Variants in ZNRF1 observed in about 807,000 individuals in gnomAD.
ZNRF1 encodes zinc and ring finger 1, also known as E3 ubiquitin-protein ligase ZNRF1.
In ZNRF1, 3 loss-of-function variants were observed where a neutral mutation model predicts 18.4. That is an observed-to-expected ratio of 0.16 (90% CI 0.07 to 0.42). The LOEUF (loss-of-function observed/expected upper bound fraction) is 0.42, where lower values mean the gene tolerates loss of function less well. ZNRF1 is among the 10% of genes least tolerant of loss of function. The pLI is 0.99. For missense variants in ZNRF1, 310 were observed against 329.8 expected, an observed-to-expected ratio of 0.94 and a Z score of 0.47; for synonymous variants, 157 against 144.2, an observed-to-expected ratio of 1.09 and a Z score of -0.64.
chr16:75,015,645 G>T (rs960466974), intron 1 of ZNRF1, among the ~76,000 whole-genome samples: 1 of 152,118 alleles, frequency 6.6e-6, no homozygotes, highest in African/African-American at 2.4e-5. Context: ...CTGTAGTGGC[G>T]CCATCACCGC....
chr16:75,088,126 A>T (rs2036094966), intron 1 of ZNRF1, among the ~76,000 whole-genome samples: 1 of 152,252 alleles, frequency 6.6e-6, no homozygotes, highest in South Asian at 2.1e-4. Flanking sequence ...TGGAATCAAA[A>T]TTTCCTGGAT....
chr16:75,051,655 T>C (rs1359893784), intron 1 of ZNRF1, among the ~76,000 whole-genome samples: 1 of 152,126 alleles, frequency 6.6e-6, no homozygotes, highest in Non-Finnish European at 1.5e-5. Context: ...GTAGCTGGGA[T>C]TACAGGCATG....
intron 1 of ZNRF1, chr16:75,000,427 C>T (rs748188804): frequency 2.0e-6 from 1 of 504,522 alleles, no homozygotes; most frequent in Admixed American, 2.4e-5. Flanking sequence ...TGGGTACTTC[C>T]ATTCTGCCAC....
At chr16:75,031,912 T>C (rs2035310143) in intron 1 of ZNRF1, among the ~76,000 whole-genome samples, 1 of 152,132 alleles carries the variant, frequency 6.6e-6, no homozygotes, top group Non-Finnish European at 1.5e-5. Flanking sequence ...TTTTGAGGAA[T>C]TGCCAGACTG....
At chr16:75,014,376 G>A (rs2035039248) in intron 1 of ZNRF1, among the ~76,000 whole-genome samples, 1 of 152,106 alleles carries the variant, frequency 6.6e-6, no homozygotes, top group Non-Finnish European at 1.5e-5. Context: ...TAAACTTCAT[G>A]TAAACTGTAT....
intron 1 of ZNRF1, among the ~76,000 whole-genome samples, chr16:75,030,828 T>C (rs1294556777): frequency 6.9e-6 from 1 of 145,808 alleles, no homozygotes; most frequent in Non-Finnish European, 1.5e-5. Context: ...TGCAGCACTT[T>C]ATTCCTTTTT....
chr16:75,050,626 T>C (rs1425091651), intron 1 of ZNRF1, among the ~76,000 whole-genome samples: 1 of 151,716 alleles, frequency 6.6e-6, no homozygotes, highest in Non-Finnish European at 1.5e-5. Context: ...CCCAGCACTT[T>C]GGGAGGCCAA....
At chr16:75,087,682 C>A (rs547893683) in intron 1 of ZNRF1, among the ~76,000 whole-genome samples, 1 of 152,354 alleles carries the variant, frequency 6.6e-6, no homozygotes, top group African/African-American at 2.4e-5. Context: ...TTCGTTCCTT[C>A]CTCATCTGAA....
intron 1 of ZNRF1, among the ~76,000 whole-genome samples, chr16:75,007,201 G>A (rs1223733723): frequency 6.6e-6 from 1 of 152,048 alleles, no homozygotes; most frequent in Non-Finnish European, 1.5e-5. Flanking sequence ...GGGACTACAG[G>A]CGGATGCCGC....
chr16:75,105,008 G>C, intron 3 of ZNRF1, 119 bp downstream of exon 3: 1 of 814,728 alleles, frequency 1.2e-6, no homozygotes, highest in Non-Finnish European at 2.0e-6. Context: ...CTCTGGCTCC[G>C]AGCGGGTAAG....
intron 2 of ZNRF1, among the ~76,000 whole-genome samples, chr16:75,101,864 A>G (rs1287409726): frequency 2.6e-5 from 4 of 152,224 alleles, no homozygotes; most frequent in Non-Finnish European, 4.4e-5. Context: ...GCTTTCAAGC[A>G]GGGGGATCAC....
At chr16:75,030,127 A>G (rs1002786747) in intron 1 of ZNRF1, among the ~76,000 whole-genome samples, 39 of 152,146 alleles carry the variant, frequency 2.6e-4, no homozygotes, top group African/African-American at 6.3e-4. Flanking sequence ...CACTCATTCA[A>G]AGTAAACAGT....
intron 1 of ZNRF1, among the ~76,000 whole-genome samples, chr16:75,085,815 A>AGAGAGAGAGAGAGAGAGAGAGAGAGT (rs889805907): frequency 4.1e-5 from 6 of 146,828 alleles, no homozygotes; most frequent in African/African-American, 1.3e-4. Flanking sequence ...AGAGAGAGAG[A>AGAGAGAGAGAGAGAGAGAGAGAGAGT]GAGTGAGTGT....
At chr16:75,094,268 C>G (rs1056722139) in intron 2 of ZNRF1, among the ~76,000 whole-genome samples, 1 of 152,216 alleles carries the variant, frequency 6.6e-6, no homozygotes, top group African/African-American at 2.4e-5. Flanking sequence ...CTGCTCCACC[C>G]TGGCCATGTT....
In ZNRF1 at chr16:75,110,742, A is replaced by T. The variant is rs1315808960; in HGVS notation, c.*3042A>T. The T allele has an allele frequency of 2.6e-5, 4 of 152,222 alleles. No individual in the cohort carries two copies. Among genetic ancestry groups the T allele is most frequent in the Non-Finnish European group, 4.4e-5 (3 of 68,052 alleles). 9.4% of individuals were successfully genotyped at this position (152,222 alleles called of 1,614,324 possible). ...GCTGAGCGCCTCCTAGTTGCCAGGCACTGGAGGGCGCATCAAAGAAGAGTC... is the reference window on the plus strand; with the variant it reads ...GCTGAGCGCCTCCTAGTTGCCAGGCTCTGGAGGGCGCATCAAAGAAGAGTC... On this transcript the variant is annotated 3_prime_UTR_variant, in exon 5 of 5. Transcript: ENST00000335325.
intron 1 of ZNRF1, among the ~76,000 whole-genome samples, chr16:75,052,150 G>A (rs187780090): frequency 1.3e-5 from 2 of 152,272 alleles, no homozygotes; most frequent in East Asian, 1.9e-4. Flanking sequence ...TGTTTTTCCA[G>A]CACTTTGGGA....
intron 1 of ZNRF1, among the ~76,000 whole-genome samples, chr16:75,000,977 G>A (rs554344960): frequency 6.6e-6 from 1 of 152,322 alleles, no homozygotes; most frequent in Non-Finnish European, 1.5e-5. Flanking sequence ...GGTTGGAGGG[G>A]GATTTCCCAG....
chr16:75,011,580 A>G (rs1567465078), intron 1 of ZNRF1, among the ~76,000 whole-genome samples: 3 of 152,268 alleles, frequency 2.0e-5, no homozygotes, highest in East Asian at 3.9e-4. Context: ...AAGTGTTCCT[A>G]AATACCCATG....
At chr16:75,096,046 T>A (rs370999197) in intron 2 of ZNRF1, among the ~76,000 whole-genome samples, 1 of 133,134 alleles carries the variant, frequency 7.5e-6, no homozygotes, top group Non-Finnish European at 1.6e-5. Context: ...GTGCATGTGT[T>A]TCTGTATGTG....
Sources: allele counts gnomAD v4.1 joint callset (sites outside exome capture counted in the v4.1 genomes callset), GRCh38; gene constraint gnomAD v4.1.1; transcripts MANE v1.5; gene names NCBI Gene and HGNC (gene_info 2026-07-23, HGNC 2026-07-21).